Variants in PTPRQ observed in about 807,000 individuals in gnomAD.
The protein encoded by PTPRQ is phosphatidylinositol phosphatase PTPRQ.
PTPRQ carries 199 observed loss-of-function variants against 246.0 expected under a neutral mutation model. That is an observed-to-expected ratio of 0.81 (90% CI 0.72 to 0.91). The LOEUF is 0.91. Among genes scored for constraint, PTPRQ ranks in the 40% least tolerant of loss-of-function variants. PTPRQ has a pLI of 0.00. For missense variants in PTPRQ, 2,624 were observed against 2,528.4 expected (o/e 1.04, Z -0.81); for synonymous variants, 869 against 853.2 (o/e 1.02, Z -0.32).
At position 80,539,731 on chromosome 12, in the gene PTPRQ, T is replaced by C. The variant is rs949729639; in HGVS notation, c.2986-45T>C. 5 of 1,472,482 alleles carry C rather than the reference T, an allele frequency of 3.4e-6. No homozygotes were observed. In the African/African-American group the frequency reaches 5.8e-5, roughly 17 times the overall value. The allele number at this position is 1,472,482 out of a possible 1,614,324, so 91.2% of individuals were successfully genotyped here. A position where few individuals can be genotyped will look rare whatever the true frequency, so the allele number is the denominator to read the frequency against. ...ACAATTAGTTTGAAGTGTTCATGCA[T>C]ACTAAAAAAATACATTCTGAACAAT... On this transcript the variant is annotated intron_variant, in intron 19 of 44. Transcript: ENST00000644991.
chr12:80,645,077 G>A (rs1900023604), intron 35 of PTPRQ, among the ~76,000 whole-genome samples: 1 of 151,942 alleles, frequency 6.6e-6, no homozygotes, highest in Admixed American at 6.6e-5. Context: ...TAAATGTGAA[G>A]AACAGATTCT....
chr12:80,538,239 AT>A (rs1003372492), intron 19 of PTPRQ, among the ~76,000 whole-genome samples: 8 of 152,234 alleles, frequency 5.3e-5, no homozygotes, highest in Admixed American at 5.2e-4. Context: ...GCCAAAAGAC[AT>A]TTTGTTTTTG....
In PTPRQ at chr12:80,607,242, C is replaced by G. The variant is rs1898358807; in HGVS notation, c.4731+2062C>G. Among the ~76,000 whole-genome samples, 3 of 150,858 alleles carry G rather than the reference C, an allele frequency of 2.0e-5. No individual in the cohort carries two copies. The South Asian group carries it at 6.2e-4, about 31-fold the overall frequency. ...TGAATAACTTCTCACAGAGCTAAGA[C>G]TTGGCTAAAACTAACAGATCAACAA... is the stretch of plus-strand genomic sequence containing the variant. On this transcript the variant is annotated intron_variant, in intron 27 of 44. Coordinates refer to ENST00000644991, the MANE Select transcript of PTPRQ (RefSeq NM_001145026.2).
intron 35 of PTPRQ, among the ~76,000 whole-genome samples, chr12:80,640,025 CGT>C (rs149812346): frequency 0.082 from 11,677 of 142,600 alleles, 554 homozygotes; most frequent in African/African-American, 0.15. Context: ...TGAAGATACA[CGT>C]GTGTGTGTGT....
At chr12:80,588,510 A>G (rs1164895495) in intron 26 of PTPRQ, 58 bp downstream of exon 26, 5 of 1,381,344 alleles carry the variant, frequency 3.6e-6, no homozygotes, top group Non-Finnish European at 4.7e-6. Context: ...ATCTGTCTAT[A>G]TATTATGCTT....
rs781506764 is a variant in PTPRQ, at chr12:80,526,449, CA to C, written c.2679-7560del. ...AATTGGAAAGTGATAAGAATTTCCC[CA>C]AAAAATATATATAGTAAGGTGAAGG... On this transcript the variant is annotated intron_variant, in intron 17 of 44. Transcript: ENST00000644991. Among the ~76,000 whole-genome samples the C allele has an allele frequency of 7.1e-4, 108 of 151,986 alleles. 1 individual carries two copies. Among genetic ancestry groups the C allele is most frequent in the Admixed American group, 9.2e-4 (14 of 15,222 alleles).
chr12:80,556,557 T>A (rs529465178), intron 25 of PTPRQ, among the ~76,000 whole-genome samples: 13 of 152,304 alleles, frequency 8.5e-5, no homozygotes, highest in African/African-American at 2.9e-4. Flanking sequence ...CTGATATAGA[T>A]CAATAAAAGT....
intron 17 of PTPRQ, among the ~76,000 whole-genome samples, chr12:80,524,460 C>G (rs1895618483): frequency 6.6e-6 from 1 of 152,088 alleles, no homozygotes; most frequent in Non-Finnish European, 1.5e-5. Context: ...TTATGAATTA[C>G]CAGTCTCAGG....
intron 25 of PTPRQ, among the ~76,000 whole-genome samples, chr12:80,579,128 T>C (rs1433512541): frequency 6.6e-6 from 1 of 152,214 alleles, no homozygotes; most frequent in Non-Finnish European, 1.5e-5. Flanking sequence ...TTGTGCTTTA[T>C]ATGTAAAATA....
chr12:80,528,365 A>T (rs1895751979), intron 17 of PTPRQ, among the ~76,000 whole-genome samples: 1 of 152,292 alleles, frequency 6.6e-6, no homozygotes, highest in East Asian at 1.9e-4. Context: ...GCCAGAGGTT[A>T]TGTCTTTGTC....
chr12:80,467,756 A>C (rs1189825559), intron 6 of PTPRQ, among the ~76,000 whole-genome samples: 1 of 151,730 alleles, frequency 6.6e-6, no homozygotes, highest in African/African-American at 2.4e-5. Flanking sequence ...CTATCACAAG[A>C]ACAAAAAACC....
chr12:80,556,827 A>G (rs961973008), intron 25 of PTPRQ, among the ~76,000 whole-genome samples: 9 of 152,178 alleles, frequency 5.9e-5, no homozygotes, highest in Non-Finnish European at 1.0e-4. Context: ...TAGTGGAGAA[A>G]GGAATGCAGT....
At chr12:80,637,085 C>A (rs1186132440) in intron 35 of PTPRQ, among the ~76,000 whole-genome samples, 1 of 152,100 alleles carries the variant, frequency 6.6e-6, no homozygotes, top group Non-Finnish European at 1.5e-5. Context: ...CATGGTGAAA[C>A]CCCATCTCTA....
intron 26 of PTPRQ, among the ~76,000 whole-genome samples, chr12:80,596,917 T>C (rs1897988187): frequency 6.6e-6 from 1 of 152,078 alleles, no homozygotes; most frequent in Non-Finnish European, 1.5e-5. Context: ...ACTGTGTGTT[T>C]GCTATGTGCT....
chr12:80,482,188 T>G (rs1894089296), intron 8 of PTPRQ, among the ~76,000 whole-genome samples: 1 of 150,408 alleles, frequency 6.6e-6, no homozygotes, highest in Non-Finnish European at 1.5e-5. Context: ...TATAGATCAA[T>G]GGAACAGAAC....
chr12:80,669,378 G>A lies in PTPRQ; in HGVS notation c.6367G>A (p.Val2123Ile). ...HQYWPEDNKP[V>I]TVFGDIVITK... ...GTATTGGCCAGAGGACAACAAGCCA[G>A]TTACTGTCTTTGGAGATATAGTGAT... Residue 2123 changes from valine (V) to isoleucine (I), a missense_variant, in exon 41 of 45, where the codon GTT becomes ATT. Val to Ile is a conservative substitution (Grantham distance 29, BLOSUM62 3). Coordinates refer to ENST00000644991, the MANE Select transcript of PTPRQ (RefSeq NM_001145026.2). 1 of 1,549,074 alleles carries A rather than the reference G, an allele frequency of 6.5e-7. No homozygotes were observed. The highest frequency in any genetic ancestry group is 8.7e-7 in the Non-Finnish European group (1 of 1,145,652).
chr12:80,486,542 T>C (rs1894282320), intron 9 of PTPRQ, among the ~76,000 whole-genome samples: 1 of 152,162 alleles, frequency 6.6e-6, no homozygotes. Flanking sequence ...AAATCAACTT[T>C]TGGAGACTTG....
intron 17 of PTPRQ, among the ~76,000 whole-genome samples, chr12:80,522,098 C>G (rs1895514003): frequency 6.6e-6 from 1 of 152,034 alleles, no homozygotes; most frequent in Admixed American, 6.6e-5. Flanking sequence ...AGTTGGATTC[C>G]TAGGTATTTT....
intron 26 of PTPRQ, among the ~76,000 whole-genome samples, chr12:80,591,608 T>A (rs1897805582): frequency 6.6e-6 from 1 of 152,180 alleles, no homozygotes; most frequent in Admixed American, 6.5e-5. Context: ...TAGAAAAAAT[T>A]CAGTTTACTT....
Sources: gnomAD v4.1 joint callset for allele counts (sites outside exome capture counted in the v4.1 genomes callset) on GRCh38, gnomAD v4.1.1 for gene constraint, MANE v1.5 for transcripts, NCBI Gene and HGNC (gene_info 2026-07-23, HGNC 2026-07-21) for gene names.